The following AFF3 variants were observed in gnomAD, a reference collection of about 807,000 sequenced individuals.
AFF3 encodes ALF transcription elongation factor 3, also known as AF4/FMR2 family member 3.
A neutral mutation model predicts 129.7 loss-of-function variants in AFF3; 32 were observed. The observed-to-expected ratio is 0.25, with a 90% confidence interval of 0.19 to 0.33. The LOEUF (loss-of-function observed/expected upper bound fraction) is 0.33. Among genes scored for constraint, AFF3 ranks in the 10% least tolerant of loss-of-function variants. The pLI, the probability that AFF3 is intolerant of heterozygous loss-of-function variation, is 1.00. For missense variants in AFF3, 1,373 were observed against 1,592.0 expected, an observed-to-expected ratio of 0.86 and a Z score of 2.34; for synonymous variants, 644 against 635.4, an observed-to-expected ratio of 1.01 and a Z score of -0.20.
chr2:99,608,398 T>C (rs928912367), intron 13 of AFF3, among the ~76,000 whole-genome samples: 1 of 152,220 alleles, frequency 6.6e-6, no homozygotes, highest in Non-Finnish European at 1.5e-5. Flanking sequence ...CCTTACCACG[T>C]TAAGGATTGG....
At chr2:99,961,636 C>G (rs1384199256) in intron 7 of AFF3, among the ~76,000 whole-genome samples, 1 of 152,166 alleles carries the variant, frequency 6.6e-6, no homozygotes, top group Non-Finnish European at 1.5e-5. Context: ...TCTTCCTGCT[C>G]CTCCCTGCTA....
chr2:99,766,189 G>A (rs1322625183), intron 8 of AFF3, among the ~76,000 whole-genome samples: 1 of 152,242 alleles, frequency 6.6e-6, no homozygotes, highest in African/African-American at 2.4e-5. Flanking sequence ...AACTACTGGG[G>A]CCAGGATCAA....
chr2:99,723,599 G>A (rs1422507379), intron 11 of AFF3, among the ~76,000 whole-genome samples: 2 of 152,124 alleles, frequency 1.3e-5, no homozygotes, highest in South Asian at 4.1e-4. Context: ...TATGTTTCAT[G>A]TTTTACTTAG....
intron 4 of AFF3, among the ~76,000 whole-genome samples, chr2:100,069,738 T>A (rs1459641078): frequency 6.6e-6 from 1 of 152,222 alleles, no homozygotes; most frequent in Non-Finnish European, 1.5e-5. Flanking sequence ...AAATGCCTTA[T>A]CTATGTGAAT....
At chr2:100,005,740 C>T (rs1289708612) in intron 7 of AFF3, among the ~76,000 whole-genome samples, 1 of 151,998 alleles carries the variant, frequency 6.6e-6, no homozygotes, top group African/African-American at 2.4e-5. Flanking sequence ...CCTATCAGTC[C>T]GTGGTGATCT....
chr2:99,939,829 C>T (rs930523262), intron 7 of AFF3, among the ~76,000 whole-genome samples: 8 of 152,316 alleles, frequency 5.3e-5, no homozygotes, highest in Admixed American at 3.3e-4. Context: ...ATAAGAACCA[C>T]TCTGCTCTAC....
intron 10 of AFF3, among the ~76,000 whole-genome samples, chr2:99,733,247 C>T (rs1033858685): frequency 3.3e-5 from 5 of 151,728 alleles, no homozygotes; most frequent in Admixed American, 6.6e-5. Context: ...GGTGTGGTGG[C>T]GGGCGCCTTG....
At chr2:99,844,754 A>C (rs921295319) in intron 7 of AFF3, among the ~76,000 whole-genome samples, 1 of 151,978 alleles carries the variant, frequency 6.6e-6, no homozygotes, top group Non-Finnish European at 1.5e-5. Flanking sequence ...CAATGATTTT[A>C]CTGTATTAAA....
At chr2:99,953,927 C>T (rs1676393564) in intron 7 of AFF3, among the ~76,000 whole-genome samples, 1 of 152,224 alleles carries the variant, frequency 6.6e-6, no homozygotes. Flanking sequence ...AGAGACTCAG[C>T]TCTCACCCAT....
chr2:100,031,908 C>A (rs143909115), intron 4 of AFF3, among the ~76,000 whole-genome samples: 1 of 152,168 alleles, frequency 6.6e-6, no homozygotes, highest in Non-Finnish European at 1.5e-5. Flanking sequence ...TGAAGCATAG[C>A]GCTGCACTCT....
At chr2:99,834,849 CCA>C (rs1446904066) in intron 8 of AFF3, among the ~76,000 whole-genome samples, 1 of 152,132 alleles carries the variant, frequency 6.6e-6, no homozygotes, top group Non-Finnish European at 1.5e-5. Flanking sequence ...TCCTCGGTCT[CCA>C]GTCTCTCTCC....
intron 4 of AFF3, among the ~76,000 whole-genome samples, chr2:100,016,955 G>A (rs1171578843): frequency 6.6e-6 from 1 of 151,572 alleles, no homozygotes; most frequent in Non-Finnish European, 1.5e-5. Flanking sequence ...GAAGTTGATG[G>A]TGGTGATGAT....
chr2:99,995,638 C>T (rs1365192608), intron 7 of AFF3, among the ~76,000 whole-genome samples: 1 of 152,142 alleles, frequency 6.6e-6, no homozygotes, highest in African/African-American at 2.4e-5. Flanking sequence ...TCCCAAAGTG[C>T]TGGGATTACA....
chr2:99,802,496 AC>A (rs1686017339), intron 8 of AFF3, among the ~76,000 whole-genome samples: 2 of 152,244 alleles, frequency 1.3e-5, no homozygotes, highest in South Asian at 2.1e-4. Context: ...CCCTGTCTCT[AC>A]AAAAAATTTT....
At chr2:99,578,623 T>C (rs1362566361) in intron 17 of AFF3, among the ~76,000 whole-genome samples, 172 bp from the exon 18 acceptor site, 2 of 152,242 alleles carry the variant, frequency 1.3e-5, no homozygotes, top group Admixed American at 6.5e-5. Flanking sequence ...TTCTAGGTAT[T>C]TGCTGAGGGC....
intron 13 of AFF3, among the ~76,000 whole-genome samples, chr2:99,615,521 C>T (rs1182816492): frequency 1.3e-5 from 2 of 152,254 alleles, no homozygotes; most frequent in Non-Finnish European, 2.9e-5. Flanking sequence ...CATCCTTCTT[C>T]GACAACTGGG....
chr2:100,007,638 CAGA>C, intron 5 of AFF3, 178 bp from the exon 6 acceptor site: 1 of 643,846 alleles, frequency 1.6e-6, no homozygotes, highest in Non-Finnish European at 2.7e-6. Context: ...GGTGATGCAC[CAGA>C]ACAGGAAGCC....
At chr2:99,786,980 G>A (rs1302810227) in intron 8 of AFF3, among the ~76,000 whole-genome samples, 2 of 152,006 alleles carry the variant, frequency 1.3e-5, no homozygotes, top group Non-Finnish European at 2.9e-5. Flanking sequence ...CACCAGGATC[G>A]GTACTTGAGG....
At chr2:99,596,560 T>C (rs1679309698) in intron 14 of AFF3, among the ~76,000 whole-genome samples, 1 of 151,908 alleles carries the variant, frequency 6.6e-6, no homozygotes, top group Non-Finnish European at 1.5e-5. Context: ...GGTGCACATA[T>C]TGGAAGAGGG....
Sources: gnomAD v4.1 joint callset for allele counts (sites outside exome capture counted in the v4.1 genomes callset) on GRCh38, gnomAD v4.1.1 for gene constraint, MANE v1.5 for transcripts, NCBI Gene and HGNC (gene_info 2026-07-23, HGNC 2026-07-21) for gene names.